DHRS9: variants seen among roughly 807,000 people sequenced by gnomAD.
DHRS9 encodes dehydrogenase/reductase SDR family member 9.
Under a neutral mutation model 26.6 loss-of-function variants are expected in DHRS9, and 18 were observed. The ratio of observed to expected loss-of-function variants is 0.68; its 90% CI spans 0.47 to 1.00. The LOEUF is 1.00. DHRS9 is among the 50% of genes least tolerant of loss of function. The probability of loss-of-function intolerance (pLI) is 0.00; values close to 1 mark genes in which losing one functional copy is unlikely to be tolerated. For synonymous variants in DHRS9, 134 were observed against 141.1 expected, an observed-to-expected ratio of 0.95 and a Z score of 0.36; for missense variants, 425 against 378.7, an observed-to-expected ratio of 1.12 and a Z score of -1.01.
chr2:169,067,702 G>C (rs1029222560), upstream of DHRS9, among the ~76,000 whole-genome samples: 2 of 152,108 alleles, frequency 1.3e-5, no homozygotes, highest in Non-Finnish European at 2.9e-5. Flanking sequence ...CACTTTCAAA[G>C]GTTGTATATT....
At chr2:169,093,850 C>T (rs6724509) in intron 4 of DHRS9, among the ~76,000 whole-genome samples, 2,836 of 152,224 alleles carry the variant, frequency 0.019, 85 homozygotes, top group African/African-American at 0.065. Context: ...GCCACTAAGA[C>T]TTATTAGGTT....
chr2:169,080,276 T>C (rs1398932864), intron 1 of DHRS9, among the ~76,000 whole-genome samples: 1 of 152,154 alleles, frequency 6.6e-6, no homozygotes, highest in African/African-American at 2.4e-5. Context: ...TTTTGGGTCA[T>C]GGAGGAAGAA....
At chr2:169,078,532 G>A (rs1341003152) in intron 1 of DHRS9, among the ~76,000 whole-genome samples, 1 of 152,058 alleles carries the variant, frequency 6.6e-6, no homozygotes, top group African/African-American at 2.4e-5. Flanking sequence ...TTCCTTAAAA[G>A]GTTTAAACAT....
chr2:169,077,121 T>C (rs2105283818), intron 1 of DHRS9, among the ~76,000 whole-genome samples: 1 of 152,342 alleles, frequency 6.6e-6, no homozygotes. Context: ...AGATGTCAGC[T>C]GTGCTTATTT....
chr2:169,086,850 C>G (rs1684367582), intron 3 of DHRS9, among the ~76,000 whole-genome samples: 1 of 152,206 alleles, frequency 6.6e-6, no homozygotes, highest in Non-Finnish European at 1.5e-5. Flanking sequence ...TTCTCCCAAA[C>G]AAGTGGAGCT....
intron 3 of DHRS9, among the ~76,000 whole-genome samples, chr2:169,085,959 G>A (rs927684231): frequency 6.6e-6 from 1 of 152,116 alleles, no homozygotes; most frequent in Non-Finnish European, 1.5e-5. Flanking sequence ...ATTAATAAAT[G>A]CCTTGTGGTA....
At chr2:169,080,046 A>AAAGAAAGAAAAT (rs1558951714) in intron 1 of DHRS9, among the ~76,000 whole-genome samples, 1 of 140,720 alleles carries the variant, frequency 7.1e-6, no homozygotes, top group Non-Finnish European at 1.6e-5. Flanking sequence ...AGAAAGAAAG[A>AAAGAAAGAAAAT]AAGAAAATAA....
intron 1 of DHRS9, among the ~76,000 whole-genome samples, chr2:169,079,877 GA>G (rs1461149310): frequency 1.4e-5 from 1 of 71,478 alleles, no homozygotes; most frequent in Non-Finnish European, 2.3e-5. Context: ...AAGAAAGAAA[GA>G]AAGAAAGAGA....
At chr2:169,067,172 C>T, upstream of DHRS9, 1 of 1,535,608 alleles carries the variant, frequency 6.5e-7, no homozygotes, top group Non-Finnish European at 8.7e-7. Flanking sequence ...AGCCACTGTG[C>T]ATGCTCTATC....
At chr2:169,083,755 G>T (rs368157114) in intron 3 of DHRS9, among the ~76,000 whole-genome samples, 168 bp downstream of exon 3, 1 of 152,124 alleles carries the variant, frequency 6.6e-6, no homozygotes, top group East Asian at 1.9e-4. Flanking sequence ...GAGATATTTT[G>T]ATATAAGTAT....
intron 1 of DHRS9, among the ~76,000 whole-genome samples, chr2:169,079,985 GAAAGAA>G (rs1558951571): frequency 3.9e-5 from 2 of 51,056 alleles, no homozygotes; most frequent in African/African-American, 7.7e-5. Context: ...GAGAGAGAGA[GAAAGAA>G]AGAAAGAAAG....
chr2:169,085,935 C>T (rs961431040), intron 3 of DHRS9, among the ~76,000 whole-genome samples: 6 of 152,064 alleles, frequency 3.9e-5, no homozygotes, highest in African/African-American at 1.4e-4. Context: ...TTATACTTGA[C>T]CTTTGGGAGC....
chr2:169,071,063 C>CAA (rs568589600), intron 1 of DHRS9, among the ~76,000 whole-genome samples: 6 of 133,126 alleles, frequency 4.5e-5, no homozygotes, highest in South Asian at 5.0e-4. Context: ...GACTCCGTCT[C>CAA]AAAAAAAAAA....
intron 1 of DHRS9, chr2:169,081,090 G>A: frequency 1.0e-6 from 1 of 974,196 alleles, no homozygotes; most frequent in South Asian, 4.7e-5. Context: ...AATTAAAATT[G>A]AATTATTGTT....
intron 1 of DHRS9, chr2:169,072,699 A>T (rs1272726986): frequency 1.0e-6 from 1 of 966,916 alleles, no homozygotes; most frequent in Non-Finnish European, 1.2e-6. Context: ...TATGAAAGAC[A>T]AAACTAGTTC....
intron 3 of DHRS9, among the ~76,000 whole-genome samples, chr2:169,088,555 A>G (rs1684423403): frequency 6.6e-6 from 1 of 152,190 alleles, no homozygotes; most frequent in African/African-American, 2.4e-5. Context: ...AGGATGATCA[A>G]TGAAGGCTTC....
In DHRS9 at chr2:169,096,026, T is replaced by C; in HGVS notation, c.*259T>C. The stretch of plus-strand genomic sequence containing the variant: ...TTTAGGCTTTGCCTGCTTGGTGTGA[T>C]GTAAGGGAAATTGAAAGACTTGCCC... On this transcript the variant is annotated 3_prime_UTR_variant, in exon 5 of 5. Transcript: ENST00000674881. 4 of 489,150 alleles carry C rather than the reference T, an allele frequency of 8.2e-6. No homozygotes were observed. In the Admixed American group the frequency reaches 1.4e-4, roughly 17 times the overall value. 30.3% of individuals were successfully genotyped at this position (489,150 alleles called of 1,614,324 possible). A position where few individuals can be genotyped will look rare whatever the true frequency, so the allele number is the denominator to read the frequency against.
At chr2:169,094,727 T>C (rs1206675759) in intron 4 of DHRS9, among the ~76,000 whole-genome samples, 1 of 151,984 alleles carries the variant, frequency 6.6e-6, no homozygotes, top group Non-Finnish European at 1.5e-5. Flanking sequence ...AAGTCTTCAA[T>C]CCATTTTAAG....
At chr2:169,084,824 T>A (rs899437644) in intron 3 of DHRS9, among the ~76,000 whole-genome samples, 18 of 152,302 alleles carry the variant, frequency 1.2e-4, no homozygotes, top group African/African-American at 4.3e-4. Flanking sequence ...GTGCAGAAGC[T>A]TTTCAAATTG....
Sources: allele counts gnomAD v4.1 joint callset (sites outside exome capture counted in the v4.1 genomes callset), GRCh38; gene constraint gnomAD v4.1.1; transcripts MANE v1.5; gene names NCBI Gene and HGNC (gene_info 2026-07-23, HGNC 2026-07-21).